EFCAB6: variants seen among roughly 807,000 people sequenced by gnomAD.
EFCAB6 encodes EF-hand calcium-binding domain-containing protein 6.
EFCAB6 carries 156 observed loss-of-function variants against 169.8 expected under a neutral mutation model. The ratio of observed to expected loss-of-function variants is 0.92; its 90% CI spans 0.81 to 1.05. EFCAB6 has a LOEUF of 1.05. Ranked by LOEUF, EFCAB6 falls within the 50% of genes least tolerant of loss-of-function variation. The pLI is 0.00. For missense variants in EFCAB6, 1,800 were observed against 1,829.1 expected, an observed-to-expected ratio of 0.98 and a Z score of 0.29; for synonymous variants, 698 against 676.4, an observed-to-expected ratio of 1.03 and a Z score of -0.50.
At position 43,633,108 on chromosome 22, in the gene EFCAB6, C is replaced by T. The variant is rs573158856; in HGVS notation, c.2099-870G>A. ...GCACTTTACCTAGGGGGTGGTGAGG[C>T]TCAGGGGTCCCCGGCTCGCCTGGGA... On this transcript the variant is annotated intron_variant, in intron 18 of 31. Transcript: ENST00000262726. Among the ~76,000 whole-genome samples the T allele has an allele frequency of 9.8e-5, 15 of 152,304 alleles. No homozygotes were observed. In the South Asian group the frequency reaches 2.9e-3, roughly 29 times the overall value.
intron 4 of EFCAB6, 110 bp from the exon 5 acceptor site, chr22:43,765,503 T>G (rs1471010174): frequency 1.3e-6 from 1 of 745,626 alleles, no homozygotes; most frequent in Non-Finnish European, 2.3e-6. Context: ...GAGAATACTA[T>G]TAACAGGACG....
chr22:43,594,880 C>A (rs1036611627), intron 23 of EFCAB6, among the ~76,000 whole-genome samples: 1 of 152,042 alleles, frequency 6.6e-6, no homozygotes, highest in Non-Finnish European at 1.5e-5. Context: ...TCATATGTGG[C>A]CACAAAACAT....
intron 26 of EFCAB6, among the ~76,000 whole-genome samples, chr22:43,562,817 C>G (rs1329592301): frequency 5.8e-4 from 6 of 10,428 alleles, no homozygotes. Context: ...GGAGGCAGCC[C>G]GGTGGGGGAT....
At chr22:43,674,961 C>CAT (rs1182575807) in intron 13 of EFCAB6, among the ~76,000 whole-genome samples, 1 of 151,944 alleles carries the variant, frequency 6.6e-6, no homozygotes, top group Non-Finnish European at 1.5e-5. Context: ...TGAGTCAAGG[C>CAT]ATACACTCAG....
chr22:43,695,796 C>G (rs968133235), intron 10 of EFCAB6, among the ~76,000 whole-genome samples: 2 of 152,038 alleles, frequency 1.3e-5, no homozygotes, highest in East Asian at 1.9e-4. Context: ...TAACCTTGAC[C>G]CTTATCTCAC....
rs564593522 is a variant in EFCAB6 at position 43,799,008 on chromosome 22, T to C, written c.-8+9987A>G. On this transcript the variant is annotated intron_variant, in intron 2 of 31. Coordinates refer to ENST00000262726, the MANE Select transcript of EFCAB6 (RefSeq NM_022785.4). The stretch of plus-strand genomic sequence containing the variant: ...TTACCTTTCTACAGCACAGGCATAA[T>C]TATGGTACTCCCTTGATAAAAATAC... Among the ~76,000 whole-genome samples the C allele has an allele frequency of 3.3e-5, 5 of 152,220 alleles. No homozygotes were observed. The Middle Eastern group carries it at 0.01, about 311-fold the overall frequency.
chr22:43,704,247 C>T (rs996125499), intron 10 of EFCAB6, among the ~76,000 whole-genome samples: 6 of 151,970 alleles, frequency 3.9e-5, no homozygotes, highest in Admixed American at 1.3e-4. Context: ...CCCTGACAAC[C>T]GAGAATACTT....
chr22:43,661,799 A>C (rs2057014318), intron 17 of EFCAB6, among the ~76,000 whole-genome samples: 1 of 152,156 alleles, frequency 6.6e-6, no homozygotes, highest in African/African-American at 2.4e-5. Flanking sequence ...GAGAAGACAA[A>C]GTCTTATTGA....
At chr22:43,589,340 C>G in intron 24 of EFCAB6, among the ~76,000 whole-genome samples, 1 of 99,672 alleles carries the variant, frequency 1.0e-5, no homozygotes, top group African/African-American at 3.8e-5. Flanking sequence ...GGTACATTCA[C>G]TATCAAAAAA....
At chr22:43,676,883 G>T (rs1367908525) in intron 13 of EFCAB6, among the ~76,000 whole-genome samples, 1 of 152,174 alleles carries the variant, frequency 6.6e-6, no homozygotes, top group Admixed American at 6.5e-5. Flanking sequence ...AATGCAGCTG[G>T]CTTCAGCTAA....
At chr22:43,662,202 A>AATAATT (rs2057039888) in intron 17 of EFCAB6, among the ~76,000 whole-genome samples, 2 of 138,206 alleles carry the variant, frequency 1.4e-5, no homozygotes, top group Non-Finnish European at 3.2e-5. Context: ...TAATAATAAT[A>AATAATT]ATTTATAGAG....
chr22:43,574,380 C>T (rs1327043839), intron 26 of EFCAB6, among the ~76,000 whole-genome samples: 2 of 152,226 alleles, frequency 1.3e-5, no homozygotes, highest in African/African-American at 2.4e-5. Context: ...CCGAACCCTC[C>T]GGCTTGCCAC....
intron 12 of EFCAB6, among the ~76,000 whole-genome samples, chr22:43,682,166 G>A (rs769695029): frequency 6.6e-6 from 1 of 152,020 alleles, no homozygotes; most frequent in Non-Finnish European, 1.5e-5. Flanking sequence ...GGAGGGGAGG[G>A]GAATCTCACT....
At chr22:43,782,055 C>G (rs2061839218) in intron 3 of EFCAB6, 125 bp downstream of exon 3, 2 of 977,676 alleles carry the variant, frequency 2.0e-6, no homozygotes, top group Non-Finnish European at 2.9e-6. Context: ...AAAAACAGAG[C>G]CTAATTCATA....
rs373487037 is a variant in EFCAB6, at chr22:43,531,087, G to A, written c.4234-123C>T. On this transcript the variant is annotated intron_variant, in intron 30 of 31. Coordinates refer to ENST00000262726, the MANE Select transcript of EFCAB6 (RefSeq NM_022785.4). ...CCGGCTTCACCTCCCAACCTGCTCC[G>A]CTGGCTCTGAATCGAGGAGGGAGCC... The A allele has an allele frequency of 2.1e-4, 274 of 1,308,508 alleles. No homozygotes were observed. In the East Asian group the frequency reaches 4.7e-3, roughly 23 times the overall value. The allele number at this position is 1,308,508 out of a possible 1,614,324, so 81.1% of individuals were successfully genotyped here. A position where few individuals can be genotyped will look rare whatever the true frequency, so the allele number is the denominator to read the frequency against.
chr22:43,654,307 C>A (rs1370686095), intron 17 of EFCAB6, among the ~76,000 whole-genome samples: 1 of 152,208 alleles, frequency 6.6e-6, no homozygotes, highest in Admixed American at 6.5e-5. Context: ...GAGGGCTGTG[C>A]ACCATGGATT....
chr22:43,605,694 TG>T (rs1280137681), intron 22 of EFCAB6, among the ~76,000 whole-genome samples: 7 of 151,948 alleles, frequency 4.6e-5, no homozygotes, highest in African/African-American at 1.7e-4. Context: ...AGCTGGACGG[TG>T]GTGACAGCTG....
At position 43,731,818 on chromosome 22, in the gene EFCAB6, T is replaced by C. The variant is rs769979865; in HGVS notation, c.645-7A>G. ...GTTGTAGTGTTTCGAAAACCTAAAA[T>C]ACAAATGTTCTTTAGTAATGAGAAA... On this transcript the variant is annotated splice_polypyrimidine_tract_variant and splice_region_variant and intron_variant, in intron 7 of 31. Transcript: ENST00000262726. 1.3e-6 allele frequency: 2 copies of C among 1,533,962 alleles called. No individual in the cohort carries two copies. The highest frequency in any genetic ancestry group is 1.8e-6 in the Non-Finnish European group (2 of 1,137,916).
chr22:43,684,875 T>C (rs1256546884), intron 11 of EFCAB6, among the ~76,000 whole-genome samples: 1 of 152,200 alleles, frequency 6.6e-6, no homozygotes, highest in Non-Finnish European at 1.5e-5. Context: ...TGCAGAGTGT[T>C]GAGCAGCATC....
Sources: gnomAD v4.1 joint callset for allele counts (sites outside exome capture counted in the v4.1 genomes callset) on GRCh38, gnomAD v4.1.1 for gene constraint, MANE v1.5 for transcripts, NCBI Gene and HGNC (gene_info 2026-07-23, HGNC 2026-07-21) for gene names.